The following VPS13B variants were observed in gnomAD, a reference collection of about 807,000 sequenced individuals.
The protein encoded by VPS13B is intermembrane lipid transfer protein VPS13B.
VPS13B carries 285 observed loss-of-function variants against 426.4 expected under a neutral mutation model. The ratio of observed to expected loss-of-function variants is 0.67; its 90% CI spans 0.61 to 0.74. The LOEUF is 0.74. Ranked by LOEUF, VPS13B falls within the 30% of genes least tolerant of loss-of-function variation. The pLI, the probability that VPS13B is intolerant of heterozygous loss-of-function variation, is 0.00. For synonymous variants in VPS13B, 1,676 were observed against 1,676.4 expected, an observed-to-expected ratio of 1.00 and a Z score of 0.01; for missense variants, 4,537 against 4,782.6, an observed-to-expected ratio of 0.95 and a Z score of 1.51.
intron 33 of VPS13B, among the ~76,000 whole-genome samples, chr8:99,639,960 GA>G (rs1190738496): frequency 1.4e-5 from 2 of 141,954 alleles, no homozygotes; most frequent in Non-Finnish European, 3.0e-5. Flanking sequence ...CTGGGCAACA[GA>G]ACAAGACTCT....
intron 8 of VPS13B, among the ~76,000 whole-genome samples, chr8:99,122,590 T>G (rs1447666324): frequency 6.6e-6 from 1 of 152,170 alleles, no homozygotes; most frequent in African/African-American, 2.4e-5. Flanking sequence ...AATTTTTGAG[T>G]TATTTGTTTC....
intron 17 of VPS13B, chr8:99,234,572 C>T (rs573008672): frequency 2.4e-6 from 1 of 421,996 alleles, no homozygotes; most frequent in South Asian, 1.9e-5. Context: ...TGGCTGGGAG[C>T]AGAGCTTGTG....
intron 21 of VPS13B, 44 bp downstream of exon 21, chr8:99,391,748 T>C: frequency 6.2e-7 from 1 of 1,602,844 alleles, no homozygotes; most frequent in South Asian, 1.1e-5. Flanking sequence ...GTACTCTACT[T>C]CTAAGCTAGC....
Position 99,530,511 on chromosome 8 carries a change from G to C in VPS13B, c.4745+9501G>C, listed in dbSNP as rs189783075. ...CGCCTGTAATTCCAGCTACTTGGGA[G>C]GCTGAGACAGGAGAATCGCTTGAAT... On this transcript the variant is annotated intron_variant, in intron 30 of 61. Transcript: ENST00000357162. Among the ~76,000 whole-genome samples the C allele has an allele frequency of 6.2e-3, 950 of 152,054 alleles. 8 individuals are homozygous for C. Among genetic ancestry groups the C allele is most frequent in the African/African-American group, 0.022 (892 of 41,470 alleles).
At chr8:99,423,028 C>A (rs774774134) in intron 21 of VPS13B, among the ~76,000 whole-genome samples, 16 of 152,144 alleles carry the variant, frequency 1.1e-4, no homozygotes, top group Non-Finnish European at 1.8e-4. Flanking sequence ...TAATTATACT[C>A]TTTATTGCAA....
At chr8:99,556,787 A>G in intron 31 of VPS13B, 134 bp downstream of exon 31, 1 of 970,806 alleles carries the variant, frequency 1.0e-6, no homozygotes, top group South Asian at 1.4e-5. Context: ...AAGCATAAAA[A>G]ATATTTTGTA....
At chr8:99,487,120 A>C (rs1028090625) in intron 25 of VPS13B, among the ~76,000 whole-genome samples, 33 of 151,838 alleles carry the variant, frequency 2.2e-4, no homozygotes, top group Admixed American at 1.4e-3. Context: ...AAAAAAAAAA[A>C]AAAACAGAGG....
At chr8:99,727,227 A>G (rs752994022) in intron 39 of VPS13B, among the ~76,000 whole-genome samples, 3 of 152,230 alleles carry the variant, frequency 2.0e-5, no homozygotes, top group Non-Finnish European at 4.4e-5. Flanking sequence ...ATGATACATT[A>G]GAATGACAGT....
At chr8:99,512,658 A>G (rs1821851831) in intron 29 of VPS13B, among the ~76,000 whole-genome samples, 1 of 152,216 alleles carries the variant, frequency 6.6e-6, no homozygotes, top group African/African-American at 2.4e-5. Context: ...GATTGTCTTT[A>G]TTACACAAAA....
At chr8:99,347,757 G>A (rs1811619448) in intron 19 of VPS13B, 1 of 152,178 alleles carries the variant, frequency 6.6e-6, no homozygotes, top group Admixed American at 6.5e-5. Context: ...CACCACTATT[G>A]AGGTGTGGGA....
chr8:99,125,355 C>A (rs1848143909), intron 8 of VPS13B, among the ~76,000 whole-genome samples: 1 of 152,230 alleles, frequency 6.6e-6, no homozygotes, highest in Admixed American at 6.5e-5. Flanking sequence ...AAGTCTAGTC[C>A]TTCCACATTC....
intron 3 of VPS13B, among the ~76,000 whole-genome samples, chr8:99,059,081 T>TA (rs1430631575): frequency 6.6e-6 from 1 of 152,244 alleles, no homozygotes; most frequent in African/African-American, 2.4e-5. Flanking sequence ...TATAACACTG[T>TA]ACTGAATGCT....
At chr8:99,214,851 T>C (rs935260154) in intron 17 of VPS13B, among the ~76,000 whole-genome samples, 1 of 152,172 alleles carries the variant, frequency 6.6e-6, no homozygotes, top group Admixed American at 6.5e-5. Context: ...AATTGTAGGA[T>C]AAAAACTTAA....
intron 23 of VPS13B, among the ~76,000 whole-genome samples, chr8:99,458,067 T>G (rs1301262834): frequency 1.6e-5 from 1 of 64,096 alleles, no homozygotes. Context: ...CCCCCCCCCC[T>G]CCCCCCAACC....
At chr8:99,824,380 G>T (rs1407736272) in intron 51 of VPS13B, among the ~76,000 whole-genome samples, 3 of 152,210 alleles carry the variant, frequency 2.0e-5, no homozygotes, top group African/African-American at 4.8e-5. Flanking sequence ...AAAGGCTAGG[G>T]CCTAACTGAG....
In VPS13B at chr8:99,681,569, A is replaced by G. The variant is rs565097435; in HGVS notation, c.6047-17956A>G. ...TAAATAGCAATTTGTTTCTTATTAA[A>G]CCTTAACAGAATCATGTGAGTCTAG... On this transcript the variant is annotated intron_variant, in intron 35 of 61. Transcript: ENST00000357162. 5.9e-5 allele frequency among the ~76,000 whole-genome samples: 9 copies of G among 152,274 alleles called. No individual in the cohort carries two copies. In the East Asian group the frequency reaches 1.7e-3, roughly 29 times the overall value.
intron 41 of VPS13B, among the ~76,000 whole-genome samples, chr8:99,777,979 C>G (rs1292712475): frequency 6.6e-6 from 1 of 152,112 alleles, no homozygotes; most frequent in Non-Finnish European, 1.5e-5. Context: ...CACCTGTAAT[C>G]CCAACACTTT....
chr8:99,135,662 T>C lies in VPS13B; in HGVS notation c.1492T>C (p.Leu498=), dbSNP rs752775103. The C allele has an allele frequency of 3.3e-5, 54 of 1,613,520 alleles. No homozygotes were observed. Among genetic ancestry groups the C allele is most frequent in the Non-Finnish European group, 4.6e-5 (54 of 1,179,562 alleles). Residue 498 remains leucine (L), a synonymous_variant, in exon 11 of 62, where the codon TTG becomes CTG. Coordinates refer to ENST00000357162, the MANE Select transcript of VPS13B (RefSeq NM_152564.5). The part of the protein sequence containing the change: ...TKGFTYLTNS[L]FDYRSPENNG... ...AGGTTTCACATACCTTACAAATTCA[T>C]TGTTTGATTACCGAAGCCCAGAAAA...
chr8:99,511,449 G>T lies in VPS13B; in HGVS notation c.4570G>T (p.Val1524Phe), dbSNP rs200774003. 35 of 1,613,440 alleles carry T rather than the reference G, an allele frequency of 2.2e-5. No individual in the cohort carries two copies. The Admixed American group carries it at 5.0e-4, about 23-fold the overall frequency. The change falls in exon 29 of 62, where the codon GTC becomes TTC. Residue 1524 changes from valine to phenylalanine, a missense_variant. Around this residue, in one of 2 missense-constraint regions of VPS13B, gnomAD observed 4,311 missense variants for 4,474.3 expected, o/e 0.96. Transcript: ENST00000357162. The part of the protein sequence containing the change: ...LTSRNLPLIY[V>F]NTSVIRIFIP... The stretch of plus-strand genomic sequence containing the variant: ...ATCCCGCAATTTACCTTTGATTTAT[G>T]TCAACACAAGTGTAATCAGAATTTT...
Sources: allele counts gnomAD v4.1 joint callset (sites outside exome capture counted in the v4.1 genomes callset), GRCh38; gene constraint gnomAD v4.1.1; regional missense constraint gnomAD v4.1.1; transcripts MANE v1.5; gene names NCBI Gene and HGNC (gene_info 2026-07-23, HGNC 2026-07-21).